The following PIP5K1A variants were observed in gnomAD, a reference collection of about 807,000 sequenced individuals.
The protein encoded by PIP5K1A is phosphatidylinositol 4-phosphate 5-kinase type-1 alpha.
A neutral mutation model predicts 72.9 loss-of-function variants in PIP5K1A; 46 were observed. The ratio of observed to expected loss-of-function variants is 0.63; its 90% CI spans 0.50 to 0.81. The LOEUF (loss-of-function observed/expected upper bound fraction) is 0.81, where lower values mean the gene tolerates loss of function less well. Ranked by LOEUF, PIP5K1A falls within the 30% of genes least tolerant of loss-of-function variation. The pLI, the probability that PIP5K1A is intolerant of heterozygous loss-of-function variation, is 0.00. For synonymous variants in PIP5K1A, 228 were observed against 255.1 expected (o/e 0.89, Z 1.01); for missense variants, 458 against 706.1 (o/e 0.65, Z 3.98).
In PIP5K1A at chr1:151,199,691, G is replaced by A. The variant is rs915391340; in HGVS notation, c.85+610G>A. Among the ~76,000 whole-genome samples the A allele has an allele frequency of 5.3e-5, 8 of 152,004 alleles. 1 individual carries two copies. Among genetic ancestry groups the A allele is most frequent in the Admixed American group, 4.6e-4 (7 of 15,246 alleles). The stretch of plus-strand genomic sequence containing the variant: ...AGAGAAACTAAGAAAGTAAATGGAG[G>A]CCTAAGAAGTAGAGAGAACTACTTA... On this transcript the variant is annotated intron_variant, in intron 1 of 15. Coordinates refer to ENST00000368888, the MANE Select transcript of PIP5K1A (RefSeq NM_001135638.2).
At chr1:151,211,952 T>TA (rs888345541) in intron 1 of PIP5K1A, among the ~76,000 whole-genome samples, 129 of 146,488 alleles carry the variant, frequency 8.8e-4, no homozygotes, top group African/African-American at 3.0e-3. Context: ...AAACAAAAAA[T>TA]AAAAAAAAAA....
upstream of PIP5K1A, among the ~76,000 whole-genome samples, chr1:151,195,918 G>C (rs1342626074): frequency 2.3e-4 from 4 of 17,050 alleles, no homozygotes; most frequent in Non-Finnish European, 5.9e-4. Context: ...TTTTTGAGAC[G>C]GAGTCTCGCT....
Position 151,242,450 on chromosome 1 carries a change from G to T in PIP5K1A, c.1523G>T (p.Gly508Val). ...KAEVEPGVHLGRPDVLPQTPP... is the reference protein window; with the variant it reads ...KAEVEPGVHLVRPDVLPQTPP... ...ATCTTTTTTCCAGGCGTTCACCTTG[G>T]TCGTCCTGATGTTTTACCTCAGACT... is the stretch of plus-strand genomic sequence containing the variant. The change falls in exon 14 of 16, where the codon GGT (glycine) becomes GTT (valine). Residue 508 changes from glycine to valine, a missense_variant. By Grantham distance (109) the Gly-to-Val change is moderately radical (BLOSUM62 -3). Around this residue, in one of 3 missense-constraint regions of PIP5K1A, gnomAD observed 157 missense variants for 175.5 expected, o/e 0.89. Coordinates refer to ENST00000368888, the MANE Select transcript of PIP5K1A (RefSeq NM_001135638.2). 1 of 1,614,010 alleles carries T rather than the reference G, an allele frequency of 6.2e-7. No individual in the cohort carries two copies. The highest frequency in any genetic ancestry group is 1.3e-5 in the African/African-American group (1 of 74,994).
intron 1 of PIP5K1A, chr1:151,223,912 G>A (rs2102428649): frequency 3.3e-6 from 1 of 299,406 alleles, no homozygotes; most frequent in South Asian, 4.6e-5. Context: ...CACTTGCAGT[G>A]AGCTGAGGTC....
At chr1:151,230,388 C>T (rs962440472) in intron 4 of PIP5K1A, among the ~76,000 whole-genome samples, 3 of 152,180 alleles carry the variant, frequency 2.0e-5, no homozygotes, top group Non-Finnish European at 2.9e-5. Context: ...CTAGATGATG[C>T]GATACTTTCC....
rs778917172 is a variant in PIP5K1A at position 151,199,126 on chromosome 1, G to A, written c.85+45G>A. On this transcript the variant is annotated intron_variant, in intron 1 of 15. Coordinates refer to ENST00000368888, the MANE Select transcript of PIP5K1A (RefSeq NM_001135638.2). ...GGTAGGGAGCTGGTGAGGAATATGC[G>A]ATGGGAGGAAGAGCGAGACCTAAGA... is the stretch of plus-strand genomic sequence containing the variant. The A allele has an allele frequency of 3.7e-6, 6 of 1,613,116 alleles. No individual in the cohort carries two copies. In the African/African-American group the frequency reaches 4.0e-5, roughly 11 times the overall value.
Position 151,225,745 on chromosome 1 carries a change from C to T in PIP5K1A, c.156+1339C>T, listed in dbSNP as rs183635117. ...TTGGCCTCCCAATGTGCTGGGATTACAGGTGTGAGCCACTGCGCCTGGCCT... is the reference window on the plus strand; with the variant it reads ...TTGGCCTCCCAATGTGCTGGGATTATAGGTGTGAGCCACTGCGCCTGGCCT... On this transcript the variant is annotated intron_variant, in intron 3 of 15. Transcript: ENST00000368888. Among the ~76,000 whole-genome samples, 34 of 152,082 alleles carry T rather than the reference C, an allele frequency of 2.2e-4. No individual in the cohort carries two copies. The Middle Eastern group carries it at 0.01, about 46-fold the overall frequency.
intron 3 of PIP5K1A, among the ~76,000 whole-genome samples, chr1:151,225,318 T>A (rs146903000): frequency 6.6e-6 from 1 of 152,242 alleles, no homozygotes; most frequent in East Asian, 1.9e-4. Context: ...AAAAAAAAAC[T>A]GTGATACCCT....
chr1:151,236,184 C>A (rs1354360589), intron 8 of PIP5K1A, among the ~76,000 whole-genome samples: 1 of 146,854 alleles, frequency 6.8e-6, no homozygotes, highest in Admixed American at 6.8e-5. Flanking sequence ...ATAATTACAT[C>A]ATGAAAGCTG....
At position 151,248,557 on chromosome 1, in the gene PIP5K1A, C is replaced by T. The variant is rs1384930666; in HGVS notation, c.*692C>T. ...AGTGATTGCTCTGCCAGAAGCAGCT[C>T]CTCTTTAAACTCCTCCTCTCTTGAT... On this transcript the variant is annotated 3_prime_UTR_variant, in exon 16 of 16. Coordinates refer to ENST00000368888, the MANE Select transcript of PIP5K1A (RefSeq NM_001135638.2). The T allele has an allele frequency of 6.6e-6, 1 of 152,518 alleles. No homozygotes were observed. The highest frequency in any genetic ancestry group is 2.4e-5 in the African/African-American group (1 of 41,410). 9.4% of individuals were successfully genotyped at this position (152,518 alleles called of 1,614,324 possible).
intron 1 of PIP5K1A, chr1:151,224,042 G>A: frequency 1.7e-6 from 1 of 579,166 alleles, no homozygotes. Flanking sequence ...GAATAAAAAT[G>A]GAATATGCAC....
chr1:151,200,937 CT>C (rs1430659365), intron 1 of PIP5K1A, among the ~76,000 whole-genome samples: 1 of 152,110 alleles, frequency 6.6e-6, no homozygotes, highest in African/African-American at 2.4e-5. Context: ...TCACGCCATT[CT>C]TTTGCCTCAG....
At chr1:151,228,817 G>C (rs1183299567) in intron 4 of PIP5K1A, among the ~76,000 whole-genome samples, 2 of 152,084 alleles carry the variant, frequency 1.3e-5, no homozygotes, top group African/African-American at 4.8e-5. Context: ...CTCATTCTCA[G>C]TCAAGGACCT....
upstream of PIP5K1A, among the ~76,000 whole-genome samples, chr1:151,197,650 C>T (rs186143958): frequency 2.7e-3 from 406 of 152,312 alleles, 3 homozygotes; most frequent in Non-Finnish European, 3.6e-3. Context: ...GACTCTTACC[C>T]CGAATGTTTT....
At chr1:151,209,910 T>C (rs1686549954) in intron 1 of PIP5K1A, among the ~76,000 whole-genome samples, 1 of 151,926 alleles carries the variant, frequency 6.6e-6, no homozygotes, top group Non-Finnish European at 1.5e-5. Flanking sequence ...GATGGAGTCT[T>C]GCTCTGTTGC....
intron 14 of PIP5K1A, among the ~76,000 whole-genome samples, chr1:151,246,401 C>T (rs587736300): frequency 1.3e-5 from 2 of 152,208 alleles, no homozygotes; most frequent in African/African-American, 2.4e-5. Context: ...TGGCAGTATT[C>T]GGTTCCTTGT....
At chr1:151,203,479 A>G (rs1236111709) in intron 1 of PIP5K1A, among the ~76,000 whole-genome samples, 1 of 151,144 alleles carries the variant, frequency 6.6e-6, no homozygotes, top group South Asian at 2.1e-4. Flanking sequence ...CAATGAGTCA[A>G]GATCACACCA....
At position 151,198,571 on chromosome 1, in the gene PIP5K1A, C is replaced by G. The variant is rs887283415; in HGVS notation, c.-426C>G. ...TGCTCGGATTTTTTGCTTGGCTACC[C>G]GGAGTGAAGCGGCCGGGTTGGGCGA... On this transcript the variant is annotated 5_prime_UTR_variant, in exon 1 of 16. Transcript: ENST00000368888. The G allele has an allele frequency of 5.0e-5, 10 of 198,490 alleles. No homozygotes were observed. Among genetic ancestry groups the G allele is most frequent in the Non-Finnish European group, 9.5e-5 (9 of 94,714 alleles). 12.3% of individuals were successfully genotyped at this position (198,490 alleles called of 1,614,324 possible).
chr1:151,208,009 C>G (rs1440797142), intron 1 of PIP5K1A, among the ~76,000 whole-genome samples: 1 of 151,952 alleles, frequency 6.6e-6, no homozygotes, highest in African/African-American at 2.4e-5. Flanking sequence ...CAGGCACATG[C>G]CACCACGCCT....
Sources: gnomAD v4.1 joint callset for allele counts (sites outside exome capture counted in the v4.1 genomes callset) on GRCh38, gnomAD v4.1.1 for gene constraint, gnomAD v4.1.1 regional missense constraint, MANE v1.5 for transcripts, NCBI Gene and HGNC (gene_info 2026-07-23, HGNC 2026-07-21) for gene names.